Variants in ZNF33A observed in about 807,000 individuals in gnomAD.
ZNF33A encodes zinc finger protein 33A, also known as brain my041 protein.
ZNF33A carries 9 observed loss-of-function variants against 15.9 expected under a neutral mutation model. That is an observed-to-expected ratio of 0.57 (90% CI 0.34 to 0.99). The LOEUF (loss-of-function observed/expected upper bound fraction) is 0.99, where lower values mean the gene tolerates loss of function less well. Ranked by LOEUF, ZNF33A falls within the 50% of genes least tolerant of loss-of-function variation. The pLI, the probability that ZNF33A is intolerant of heterozygous loss-of-function variation, is 0.02. For synonymous variants in ZNF33A, 294 were observed against 324.2 expected (o/e 0.91, Z 1.00); for missense variants, 843 against 941.6 (o/e 0.90, Z 1.37).
downstream of ZNF33A, among the ~76,000 whole-genome samples, chr10:38,063,258 C>G (rs1361880777): frequency 6.6e-6 from 1 of 152,086 alleles, no homozygotes; most frequent in Admixed American, 6.5e-5. Context: ...GTGGGAAAGA[C>G]AGATATCTTA....
chr10:38,046,031 A>G (rs994118926), intron 4 of ZNF33A, among the ~76,000 whole-genome samples: 9 of 152,156 alleles, frequency 5.9e-5, no homozygotes, highest in East Asian at 1.9e-4. Flanking sequence ...TCTCTTCTCA[A>G]TGACCTAGGT....
intron 4 of ZNF33A, among the ~76,000 whole-genome samples, chr10:38,035,667 T>G (rs2135663564): frequency 6.6e-6 from 1 of 152,292 alleles, no homozygotes; most frequent in East Asian, 1.9e-4. Context: ...GATGTTTTGG[T>G]GCAGGATGCC....
downstream of ZNF33A, among the ~76,000 whole-genome samples, chr10:38,062,640 C>G (rs773578377): frequency 9.2e-5 from 14 of 152,092 alleles, no homozygotes; most frequent in Non-Finnish European, 2.1e-4. Flanking sequence ...CCCAGGAGTT[C>G]AAGGCTGCAG....
At chr10:38,010,948 T>C (rs1228936671) in intron 1 of ZNF33A, among the ~76,000 whole-genome samples, 165 bp downstream of exon 1, 2 of 152,168 alleles carry the variant, frequency 1.3e-5, no homozygotes, top group African/African-American at 2.4e-5. Context: ...CTAGGCCGGT[T>C]CCTCAAAGGC....
rs1379110296 is a variant in ZNF33A, at chr10:38,055,903, A to T, written c.1779A>T (p.Lys593Asn). 9 of 1,613,840 alleles carry T rather than the reference A, an allele frequency of 5.6e-6. No homozygotes were observed. Among genetic ancestry groups the T allele is most frequent in the Non-Finnish European group, 6.8e-6 (8 of 1,179,912 alleles). ...CHECGKIFYN[K>N]SYLTKHNRTH... Reference sequence around the variant, plus strand: ...AATGTGGAAAAATCTTTTACAATAAATCATACCTAACTAAACATAATAGAA... The same window carrying T: ...AATGTGGAAAAATCTTTTACAATAATTCATACCTAACTAAACATAATAGAA... The change falls in exon 5 of 5, where the codon AAA becomes AAT. Residue 593 changes from lysine to asparagine, a missense_variant. Lys to Asn is a moderately conservative substitution (Grantham distance 94). Coordinates refer to ENST00000432900, the MANE Select transcript of ZNF33A (RefSeq NM_006954.2).
chr10:38,057,915 CTT>C lies in ZNF33A; in HGVS notation c.*1358_*1359del. 2.0e-6 allele frequency: 2 copies of C among 985,398 alleles called. No homozygotes were observed. Among genetic ancestry groups the C allele is most frequent in the Non-Finnish European group, 2.4e-6 (2 of 829,974 alleles). The allele number at this position is 985,398 out of a possible 1,614,324, so 61.0% of individuals were successfully genotyped here. ...CCAGACAGGGATCTGGGCCCTCAGACTTTTGAGAATATGAAGAGGAGGGTTGA... is the reference window on the plus strand; with the variant it reads ...CCAGACAGGGATCTGGGCCCTCAGACTTGAGAATATGAAGAGGAGGGTTGA... On this transcript the variant is annotated 3_prime_UTR_variant, in exon 5 of 5. Transcript: ENST00000432900.
intron 4 of ZNF33A, among the ~76,000 whole-genome samples, chr10:38,022,868 A>G (rs1382371913): frequency 6.6e-6 from 1 of 152,174 alleles, no homozygotes; most frequent in Admixed American, 6.5e-5. Flanking sequence ...AGTCCTCACT[A>G]GAGAATTCTA....
At position 38,057,338 on chromosome 10, in the gene ZNF33A, T is replaced by G. The variant is rs1299882977; in HGVS notation, c.*778T>G. 3.0e-6 allele frequency: 3 copies of G among 985,426 alleles called. No homozygotes were observed. Among genetic ancestry groups the G allele is most frequent in the South Asian group, 9.4e-5 (2 of 21,284 alleles). 61.0% of individuals were successfully genotyped at this position (985,426 alleles called of 1,614,324 possible). On this transcript the variant is annotated 3_prime_UTR_variant, in exon 5 of 5. Transcript: ENST00000432900. Reference sequence around the variant, plus strand: ...CCTTGCATCCACTTGACTATGAAGTTTTTTTAAAGCACAGATAAATTGAAT... The same window carrying G: ...CCTTGCATCCACTTGACTATGAAGTGTTTTTAAAGCACAGATAAATTGAAT...
Position 38,056,410 on chromosome 10 carries a change from A to G in ZNF33A, c.2286A>G (p.Ser762=), listed in dbSNP as rs757489074. The G allele has an allele frequency of 1.2e-6, 2 of 1,614,144 alleles. No homozygotes were observed. The highest frequency in any genetic ancestry group is 1.1e-5 in the South Asian group (1 of 91,084). ...NTCRKTFSQK[S]NLIVHQRRHI... ...GCAGGAAAACTTTCTCTCAAAAGTC[A>G]AATCTCATTGTACATCAGAGAAGAC... The change falls in exon 5 of 5, where the codon TCA becomes TCG. Residue 762 remains serine, a synonymous_variant. Transcript: ENST00000432900.
chr10:38,031,988 G>A (rs1014042920), intron 4 of ZNF33A, among the ~76,000 whole-genome samples: 33 of 151,912 alleles, frequency 2.2e-4, no homozygotes, highest in Admixed American at 1.9e-3. Flanking sequence ...TAAAATAAAG[G>A]TAATGGACAA....
chr10:38,023,380 A>C (rs761404539), intron 4 of ZNF33A, among the ~76,000 whole-genome samples: 1 of 152,274 alleles, frequency 6.6e-6, no homozygotes, highest in Non-Finnish European at 1.5e-5. Flanking sequence ...ATACTAGCAA[A>C]TAGAAAACAG....
chr10:38,020,255 G>A (rs1453675869), intron 4 of ZNF33A, among the ~76,000 whole-genome samples: 1 of 152,006 alleles, frequency 6.6e-6, no homozygotes, highest in Non-Finnish European at 1.5e-5. Flanking sequence ...GTACATAGTA[G>A]GTATATATAT....
intron 4 of ZNF33A, among the ~76,000 whole-genome samples, chr10:38,053,732 C>T (rs1439663303): frequency 6.6e-6 from 1 of 152,140 alleles, no homozygotes; most frequent in African/African-American, 2.4e-5. Flanking sequence ...AGTCTCTTCT[C>T]TTGGATTTCC....
At chr10:38,043,519 A>G (rs1235873312) in intron 4 of ZNF33A, among the ~76,000 whole-genome samples, 1 of 151,132 alleles carries the variant, frequency 6.6e-6, no homozygotes, top group Non-Finnish European at 1.5e-5. Flanking sequence ...TAAAAAAAAA[A>G]TAGCTGTGTG....
At chr10:38,060,875 TC>T (rs1172103725), downstream of ZNF33A, among the ~76,000 whole-genome samples, 1 of 152,046 alleles carries the variant, frequency 6.6e-6, no homozygotes, top group Non-Finnish European at 1.5e-5. Flanking sequence ...TCGCATCTCT[TC>T]CCATTCTAAA....
At chr10:38,032,913 A>G (rs1024762647) in intron 4 of ZNF33A, among the ~76,000 whole-genome samples, 1 of 151,356 alleles carries the variant, frequency 6.6e-6, no homozygotes, top group Non-Finnish European at 1.5e-5. Context: ...TGCCCAGCTA[A>G]TTTTTTGTAT....
At chr10:38,044,755 C>T (rs1303299263) in intron 4 of ZNF33A, among the ~76,000 whole-genome samples, 2 of 152,064 alleles carry the variant, frequency 1.3e-5, no homozygotes, top group Non-Finnish European at 2.9e-5. Flanking sequence ...GCAACCTCCG[C>T]CTCCCAGGTT....
chr10:38,021,404 A>C (rs1564838597), intron 4 of ZNF33A, among the ~76,000 whole-genome samples: 1 of 7,406 alleles, frequency 1.4e-4, no homozygotes, highest in Non-Finnish European at 2.7e-4. Context: ...ACTGTTAGCA[A>C]TTGGTAGAAT....
intron 4 of ZNF33A, among the ~76,000 whole-genome samples, chr10:38,051,822 A>G (rs2066221723): frequency 6.6e-6 from 1 of 152,092 alleles, no homozygotes; most frequent in Admixed American, 6.6e-5. Context: ...GGCCCCATCA[A>G]TTATGTAGTC....
Sources: allele counts gnomAD v4.1 joint callset (sites outside exome capture counted in the v4.1 genomes callset), GRCh38; gene constraint gnomAD v4.1.1; transcripts MANE v1.5; gene names NCBI Gene and HGNC (gene_info 2026-07-23, HGNC 2026-07-21).